STXBP3: variants seen among roughly 807,000 people sequenced by gnomAD.
STXBP3 encodes syntaxin binding protein 3, also known as syntaxin-binding protein 3.
In STXBP3, 41 loss-of-function variants were observed where a neutral mutation model predicts 85.7. The ratio of observed to expected loss-of-function variants is 0.48; its 90% CI spans 0.37 to 0.62. The LOEUF is 0.62. Ranked by LOEUF, STXBP3 falls within the 20% of genes least tolerant of loss-of-function variation. The pLI, the probability that STXBP3 is intolerant of heterozygous loss-of-function variation, is 0.00. For missense variants in STXBP3, 563 were observed against 703.1 expected (o/e 0.80, Z 2.25); for synonymous variants, 229 against 231.7 (o/e 0.99, Z 0.10).
In STXBP3 at chr1:108,772,780, G is replaced by A; in HGVS notation, c.554G>A (p.Cys185Tyr). Reference protein sequence around the residue: ...ETMADQIVTVCATLDENPGVR... With the variant: ...ETMADQIVTVYATLDENPGVR... ...ATGGCTGACCAGATAGTTACAGTGTGTGCCACCTTGGATGAAAATCCCGGA... is the reference window on the plus strand; with the variant it reads ...ATGGCTGACCAGATAGTTACAGTGTATGCCACCTTGGATGAAAATCCCGGA... The change falls in exon 7 of 19, where the codon TGT becomes TAT. Residue 185 changes from cysteine to tyrosine, a missense_variant. This residue lies in a region of STXBP3 where 494 missense variants were observed against 592.8 expected (regional missense o/e 0.83). Coordinates refer to ENST00000370008, the MANE Select transcript of STXBP3 (RefSeq NM_007269.4). 6.2e-7 allele frequency: 1 copy of A among 1,600,746 alleles called. No individual in the cohort carries two copies. The highest frequency in any genetic ancestry group is 1.1e-5 in the South Asian group (1 of 89,414).
chr1:108,768,169 C>A (rs1412780377), intron 6 of STXBP3, among the ~76,000 whole-genome samples: 1 of 152,056 alleles, frequency 6.6e-6, no homozygotes, highest in African/African-American at 2.4e-5. Context: ...GTAATTGTAC[C>A]TATTTATGGG....
At chr1:108,807,575 T>TG (rs1557817910) in intron 18 of STXBP3, 26 bp downstream of exon 18, 2 of 1,558,424 alleles carry the variant, frequency 1.3e-6, no homozygotes, top group Non-Finnish European at 1.7e-6. Context: ...TCTTCTTTTC[T>TG]GTTTTTTTTT....
rs1663360041 is a variant in STXBP3, at chr1:108,807,272, A to G, written c.1536-129A>G. 6 of 986,452 alleles carry G rather than the reference A, an allele frequency of 6.1e-6. No individual in the cohort carries two copies. The South Asian group carries it at 8.4e-5, about 14-fold the overall frequency. 61.1% of individuals were successfully genotyped at this position (986,452 alleles called of 1,614,324 possible). A position where few individuals can be genotyped will look rare whatever the true frequency, so the allele number is the denominator to read the frequency against. ...GACTCCACCTCAAAAAAAAAAAAAA[A>G]AAAAAAAAATCAATGTAATTGGTAG... On this transcript the variant is annotated intron_variant, in intron 17 of 18. Coordinates refer to ENST00000370008, the MANE Select transcript of STXBP3 (RefSeq NM_007269.4).
chr1:108,806,312 A>G (rs1286064633), intron 17 of STXBP3, among the ~76,000 whole-genome samples: 3 of 152,190 alleles, frequency 2.0e-5, no homozygotes, highest in African/African-American at 7.2e-5. Flanking sequence ...CTAAGTATGG[A>G]TGAAGAACTG....
intron 4 of STXBP3, among the ~76,000 whole-genome samples, chr1:108,757,384 T>TA (rs1313793866): frequency 3.9e-5 from 6 of 152,164 alleles, no homozygotes; most frequent in Admixed American, 1.3e-4. Context: ...ATTTCACTTC[T>TA]AAAAAACTTT....
rs185714520 is a variant in STXBP3, at chr1:108,788,596, T to G, written c.964-4986T>G. On this transcript the variant is annotated intron_variant, in intron 11 of 18. Coordinates refer to ENST00000370008, the MANE Select transcript of STXBP3 (RefSeq NM_007269.4). Reference sequence around the variant, plus strand: ...ATTTAATAGATATAGAACTATTTAGTTTTTTACTTTTTCTTCATTAGTTTT... The same window carrying G: ...ATTTAATAGATATAGAACTATTTAGGTTTTTACTTTTTCTTCATTAGTTTT... Among the ~76,000 whole-genome samples, 5 of 152,262 alleles carry G rather than the reference T, an allele frequency of 3.3e-5. No homozygotes were observed. The East Asian group carries it at 9.6e-4, about 29-fold the overall frequency.
intron 11 of STXBP3, among the ~76,000 whole-genome samples, chr1:108,783,662 T>G (rs1469536107): frequency 6.6e-6 from 1 of 152,206 alleles, no homozygotes; most frequent in Non-Finnish European, 1.5e-5. Context: ...TACACACTCT[T>G]TCTCTTGGGT....
rs1661853938 is a variant in STXBP3 at position 108,749,142 on chromosome 1, CTGG to C, written c.49+2357_49+2359del. On this transcript the variant is annotated intron_variant, in intron 1 of 18. Transcript: ENST00000370008. Reference sequence around the variant, plus strand: ...GTGAGAGAGAAGAATCAAGTCGATGCTGGGTGACAGTAGCAATGAAAAATAATA... The same window carrying C: ...GTGAGAGAGAAGAATCAAGTCGATGCGTGACAGTAGCAATGAAAAATAATA... Among the ~76,000 whole-genome samples, 4 of 152,086 alleles carry C rather than the reference CTGG, an allele frequency of 2.6e-5. No individual in the cohort carries two copies. In the East Asian group the frequency reaches 7.7e-4, roughly 29 times the overall value.
intron 6 of STXBP3, among the ~76,000 whole-genome samples, chr1:108,763,190 G>A (rs182375262): frequency 1.3e-5 from 2 of 152,278 alleles, no homozygotes; most frequent in East Asian, 3.9e-4. Flanking sequence ...TGGAGACATA[G>A]CTATATACAT....
intron 6 of STXBP3, among the ~76,000 whole-genome samples, chr1:108,770,702 G>T (rs1258918934): frequency 6.6e-6 from 1 of 152,178 alleles, no homozygotes; most frequent in Non-Finnish European, 1.5e-5. Context: ...TAGTTTAAGA[G>T]AAATTATCAT....
intron 6 of STXBP3, among the ~76,000 whole-genome samples, chr1:108,761,331 A>T (rs1192459641): frequency 1.2e-5 from 1 of 84,908 alleles, no homozygotes; most frequent in Non-Finnish European, 2.7e-5. Context: ...TAAGTTTAGT[A>T]TAGGGTGAAA....
At chr1:108,773,170 C>T (rs1244916498) in intron 7 of STXBP3, among the ~76,000 whole-genome samples, 1 of 152,144 alleles carries the variant, frequency 6.6e-6, no homozygotes, top group African/African-American at 2.4e-5. Context: ...CTCTGGATAC[C>T]TGTTACAATG....
At chr1:108,749,328 TTGTATC>T (rs1023849095) in intron 1 of STXBP3, among the ~76,000 whole-genome samples, 2 of 152,184 alleles carry the variant, frequency 1.3e-5, no homozygotes, top group Admixed American at 1.3e-4. Context: ...ATGTAGCTGC[TTGTATC>T]TGTATTGCGT....
At position 108,786,915 on chromosome 1, in the gene STXBP3, C is replaced by G. The variant is rs188055833; in HGVS notation, c.963+4209C>G. Among the ~76,000 whole-genome samples, 74 of 152,258 alleles carry G rather than the reference C, an allele frequency of 4.9e-4. 1 individual carries two copies. Among genetic ancestry groups the G allele is most frequent in the Middle Eastern group, 6.8e-3 (2 of 294 alleles). On this transcript the variant is annotated intron_variant, in intron 11 of 18. Coordinates refer to ENST00000370008, the MANE Select transcript of STXBP3 (RefSeq NM_007269.4). ...TCTGATCCAAGAACATAGAATATAG[C>G]TCCACTTATGTAGATAGTTTATCTC...
At chr1:108,785,396 T>C (rs902270187) in intron 11 of STXBP3, among the ~76,000 whole-genome samples, 5 of 152,180 alleles carry the variant, frequency 3.3e-5, no homozygotes, top group African/African-American at 1.2e-4. Flanking sequence ...TGAGTTCTAC[T>C]TTGGCCCCTT....
At chr1:108,771,202 T>G (rs1416139312) in intron 6 of STXBP3, among the ~76,000 whole-genome samples, 1 of 150,840 alleles carries the variant, frequency 6.6e-6, no homozygotes, top group Non-Finnish European at 1.5e-5. Flanking sequence ...AGAGGTAGAC[T>G]AAAGCAGGAG....
At chr1:108,789,307 CATT>C (rs1223872535) in intron 11 of STXBP3, among the ~76,000 whole-genome samples, 1 of 152,072 alleles carries the variant, frequency 6.6e-6, no homozygotes, top group Non-Finnish European at 1.5e-5. Flanking sequence ...TTTCTTAAAA[CATT>C]ATGAGATGTT....
chr1:108,748,877 A>G (rs1040646461), intron 1 of STXBP3, among the ~76,000 whole-genome samples: 2 of 152,178 alleles, frequency 1.3e-5, no homozygotes, highest in Admixed American at 6.5e-5. Context: ...GACTAGTGGA[A>G]GATTAATTTA....
chr1:108,752,233 G>A, intron 1 of STXBP3, 24 bp from the exon 2 acceptor site: 2 of 1,597,004 alleles, frequency 1.3e-6, no homozygotes, highest in Non-Finnish European at 1.7e-6. Context: ...TAATTCCTAA[G>A]TAATTCCTTT....
Sources: allele counts gnomAD v4.1 joint callset (sites outside exome capture counted in the v4.1 genomes callset), GRCh38; gene constraint gnomAD v4.1.1; regional missense constraint gnomAD v4.1.1; transcripts MANE v1.5; gene names NCBI Gene and HGNC (gene_info 2026-07-23, HGNC 2026-07-21).